TRPM2: variants seen among roughly 807,000 people sequenced by gnomAD.
The protein encoded by TRPM2 is estrogen-responsive element-associated gene 1 protein.
In TRPM2, 161 loss-of-function variants were observed where a neutral mutation model predicts 174.0. The observed-to-expected ratio is 0.93, with a 90% CI of 0.81 to 1.05. The LOEUF (loss-of-function observed/expected upper bound fraction) is 1.05, where lower values mean the gene tolerates loss of function less well. Among genes scored for constraint, TRPM2 ranks in the 50% least tolerant of loss-of-function variants. TRPM2 has a pLI of 0.00. For missense variants in TRPM2, 2,057 were observed against 2,038.0 expected (o/e 1.01, Z -0.18); for synonymous variants, 954 against 861.3 (o/e 1.11, Z -1.88).
rs1328242719 is a variant in TRPM2 at position 44,390,962 on chromosome 21, A to C, written c.1377A>C (p.Ala459=). The C allele has an allele frequency of 6.2e-7, 1 of 1,614,158 alleles. No homozygotes were observed. Among genetic ancestry groups the C allele is most frequent in the Non-Finnish European group, 8.5e-7 (1 of 1,180,042 alleles). ...ACTGGGACCACCAGCTGAAACTGGC[A>C]GTGGCATGGAATCGCGTGGACATTG... ...HENWDHQLKL[A]VAWNRVDIAR... Residue 459 remains alanine (A), a synonymous_variant, in exon 10 of 32, where the codon GCA becomes GCC. Coordinates refer to ENST00000397928, the MANE Select transcript of TRPM2 (RefSeq NM_003307.4).
rs765566611 is a variant in TRPM2 at position 44,439,128 on chromosome 21, A to G, written c.4229A>G (p.His1410Arg). The change falls in exon 30 of 32, where the codon CAC (histidine) becomes CGC (arginine). Residue 1410 changes from histidine (H) to arginine (R), a missense_variant. By Grantham distance (29) the His-to-Arg change is conservative. Transcript: ENST00000397928. This position sits in a 1 kb window ranked among gnomAD's most constrained non-coding sequence, Gnocchi z 5.1. ...CTGAAGCGGATCCTCCGGCAGGAGC[A>G]CTGGCCGTCTTTTGAAAACTTGCTG... The part of the protein sequence containing the change: ...RKLKRILRQE[H>R]WPSFENLLKC... 1.2e-6 allele frequency: 2 copies of G among 1,613,712 alleles called. No individual in the cohort carries two copies. The highest frequency in any genetic ancestry group is 1.7e-5 in the Admixed American group (1 of 60,006).
At chr21:44,373,473 C>G (rs1216344212) in intron 5 of TRPM2, among the ~76,000 whole-genome samples, 1 of 152,256 alleles carries the variant, frequency 6.6e-6, no homozygotes, top group Non-Finnish European at 1.5e-5. Flanking sequence ...AGGTGTGAGC[C>G]ACTGCGCTTG....
Position 44,423,754 on chromosome 21 carries a change from C to T in TRPM2, c.3549+22C>T, listed in dbSNP as rs759295173. 40 of 1,581,310 alleles carry T rather than the reference C, an allele frequency of 2.5e-5. No homozygotes were observed. The Admixed American group carries it at 5.4e-4, about 22-fold the overall frequency. On this transcript the variant is annotated intron_variant, in intron 23 of 31. Transcript: ENST00000397928. ...GCAGGTGGGTCCGAGGTCGGGGCCT[C>T]CGTCAGGAGGTGCCACTGCTGGGCC...
chr21:44,352,847 T>C (rs2047949636), upstream of TRPM2, among the ~76,000 whole-genome samples: 1 of 152,214 alleles, frequency 6.6e-6, no homozygotes, highest in Non-Finnish European at 1.5e-5. Flanking sequence ...TGGAGAGATG[T>C]GGTACTCCCC....
chr21:44,424,478 C>G (rs1302514262), intron 23 of TRPM2, among the ~76,000 whole-genome samples: 1 of 152,208 alleles, frequency 6.6e-6, no homozygotes, highest in Non-Finnish European at 1.5e-5. Flanking sequence ...TGCAGGAACC[C>G]TGGAAGCCTC....
chr21:44,353,626 C>T lies in TRPM2; in HGVS notation c.-75C>T. 7.2e-7 allele frequency: 1 copy of T among 1,385,454 alleles called. No individual in the cohort carries two copies. Among genetic ancestry groups the T allele is most frequent in the Non-Finnish European group, 9.4e-7 (1 of 1,069,424 alleles). The allele number at this position is 1,385,454 out of a possible 1,614,324, so 85.8% of individuals were successfully genotyped here. On this transcript the variant is annotated 5_prime_UTR_variant, in exon 1 of 32. Transcript: ENST00000397928. Reference sequence around the variant, plus strand: ...CAACCACCCCATGTGTCTCTAGAACCCCAGTGTAGCGAGCTGGAGAGAGGA... The same window carrying T: ...CAACCACCCCATGTGTCTCTAGAACTCCAGTGTAGCGAGCTGGAGAGAGGA...
rs1253431121 is a variant in TRPM2 at position 44,421,793 on chromosome 21, T to C, written c.3462-1852T>C. On this transcript the variant is annotated intron_variant, in intron 22 of 31. Coordinates refer to ENST00000397928, the MANE Select transcript of TRPM2 (RefSeq NM_003307.4). ...CAAAAAAGGAAAGAGTAGCCAGGTG[T>C]GGTGGTGCACATGGGGTCAGAGTCC... Among the ~76,000 whole-genome samples, 3 of 151,800 alleles carry C rather than the reference T, an allele frequency of 2.0e-5. No individual in the cohort carries two copies. The East Asian group carries it at 5.8e-4, about 29-fold the overall frequency.
chr21:44,425,333 C>T (rs992156864), intron 24 of TRPM2: 26 of 407,354 alleles, frequency 6.4e-5, no homozygotes, highest in African/African-American at 4.6e-4. Context: ...AAATGCACAT[C>T]AGTAGCCTTC....
intron 27 of TRPM2, among the ~76,000 whole-genome samples, chr21:44,428,640 T>C (rs529404719): frequency 1.4e-5 from 2 of 139,408 alleles, no homozygotes; most frequent in East Asian, 4.3e-4. Flanking sequence ...GAGGTGTGGC[T>C]CCTCCCTGAG....
At chr21:44,435,364 C>T (rs1191986817) in intron 28 of TRPM2, 147 bp downstream of exon 28, 16 of 774,030 alleles carry the variant, frequency 2.1e-5, no homozygotes, top group Non-Finnish European at 3.1e-5. Context: ...ATGCGGGAGG[C>T]GTCTGTGGAT....
chr21:44,379,904 G>A (rs927051905), intron 8 of TRPM2, among the ~76,000 whole-genome samples: 3 of 152,212 alleles, frequency 2.0e-5, no homozygotes, highest in Admixed American at 6.5e-5. Flanking sequence ...AGCCAGGGCC[G>A]GCAGAGCCCT....
In TRPM2 at chr21:44,439,083, G is replaced by A. The variant is rs749094248; in HGVS notation, c.4184G>A (p.Gly1395Glu). 1.2e-6 allele frequency: 2 copies of A among 1,613,306 alleles called. No homozygotes were observed. The highest frequency in any genetic ancestry group is 1.1e-5 in the South Asian group (1 of 91,060). The change falls in exon 30 of 32, where the codon GGG (glycine) becomes GAG (glutamate). Residue 1395 changes from glycine to glutamate, a missense_variant. Transcript: ENST00000397928. This position sits in a 1 kb window ranked among gnomAD's most constrained non-coding sequence, Gnocchi z 5.1. Reference protein sequence around the residue: ...WALPGGSREPGEMLPRKLKRI... With the variant: ...WALPGGSREPEEMLPRKLKRI... ...TCTGTCCAGGGCTCCCGGGAGCCAGGGGAGATGCTACCTCGGAAGCTGAAG... is the reference window on the plus strand; with the variant it reads ...TCTGTCCAGGGCTCCCGGGAGCCAGAGGAGATGCTACCTCGGAAGCTGAAG...
At chr21:44,437,619 C>T (rs749667440) in intron 29 of TRPM2, among the ~76,000 whole-genome samples, 7 of 152,086 alleles carry the variant, frequency 4.6e-5, no homozygotes, top group African/African-American at 7.2e-5. Flanking sequence ...GCAGGGGCAG[C>T]GACAGGGGTA....
In TRPM2 at chr21:44,407,978, G is replaced by A. The variant is rs539845819; in HGVS notation, c.2962+1213G>A. ...AGTCTCGCTCTGTTTTCTTTTTCCC[G>A]AGAGGGAGTCAGGCCAAAGTGCAGT... is the stretch of plus-strand genomic sequence containing the variant. On this transcript the variant is annotated intron_variant, in intron 19 of 31. Coordinates refer to ENST00000397928, the MANE Select transcript of TRPM2 (RefSeq NM_003307.4). Among the ~76,000 whole-genome samples the A allele has an allele frequency of 2.8e-3, 422 of 148,574 alleles. 1 individual carries two copies. The highest frequency in any genetic ancestry group is 9.6e-3 in the African/African-American group (387 of 40,218).
At chr21:44,365,801 C>T (rs1021807919) in intron 3 of TRPM2, among the ~76,000 whole-genome samples, 2 of 152,172 alleles carry the variant, frequency 1.3e-5, no homozygotes, top group African/African-American at 2.4e-5. Context: ...AGGTCTGCCT[C>T]GAAGCCCGGG....
At chr21:44,383,551 G>A (rs1273502781) in intron 9 of TRPM2, among the ~76,000 whole-genome samples, 1 of 152,158 alleles carries the variant, frequency 6.6e-6, no homozygotes, top group African/African-American at 2.4e-5. Flanking sequence ...CCCTTATCAA[G>A]GACTTGATGT....
chr21:44,409,988 G>T (rs1336235774), intron 19 of TRPM2, among the ~76,000 whole-genome samples: 2 of 151,618 alleles, frequency 1.3e-5, no homozygotes, highest in African/African-American at 4.9e-5. Flanking sequence ...CTCTTGGTTG[G>T]CGTAGCCTTG....
At chr21:44,433,931 G>A (rs753602897) in intron 27 of TRPM2, among the ~76,000 whole-genome samples, 1 of 152,202 alleles carries the variant, frequency 6.6e-6, no homozygotes, top group Admixed American at 6.5e-5. Context: ...AGAGAGGAGG[G>A]GCTGGGTGGA....
At position 44,366,097 on chromosome 21, in the gene TRPM2, A is replaced by T. The variant is rs1030061215; in HGVS notation, c.424-657A>T. 5.9e-5 allele frequency among the ~76,000 whole-genome samples: 9 copies of T among 152,282 alleles called. 1 individual carries two copies. In the East Asian group the frequency reaches 1.4e-3, roughly 23 times the overall value. On this transcript the variant is annotated intron_variant, in intron 3 of 31. Transcript: ENST00000397928. The surrounding 1 kb of genome is among the most constrained non-coding windows in gnomAD (Gnocchi z 6.0). ...ACAGCCCGCCTAGCGGAACAGGGAA[A>T]GTCCGCTGTGTACTTGGGAGGGTCT...
Sources: gnomAD v4.1 joint callset for allele counts (sites outside exome capture counted in the v4.1 genomes callset) on GRCh38, gnomAD v4.1.1 for gene constraint, Gnocchi (gnomAD v3.1) non-coding constraint, MANE v1.5 for transcripts, NCBI Gene and HGNC (gene_info 2026-07-23, HGNC 2026-07-21) for gene names.